The following ATL1 variants were observed in gnomAD, a reference collection of about 807,000 sequenced individuals.
The protein encoded by ATL1 is atlastin-1.
In ATL1, 31 loss-of-function variants were observed where a neutral mutation model predicts 75.5. The observed-to-expected ratio is 0.41, with a 90% CI of 0.31 to 0.55. The LOEUF is 0.55. ATL1 is among the 20% of genes least tolerant of loss of function. The probability of loss-of-function intolerance (pLI) is 0.27; values close to 1 mark genes in which losing one functional copy is unlikely to be tolerated. For synonymous variants in ATL1, 226 were observed against 233.3 expected (o/e 0.97, Z 0.28); for missense variants, 405 against 662.6 (o/e 0.61, Z 4.27).
chr14:50,620,620 A>G lies in ATL1; in HGVS notation c.884A>G (p.Lys295Arg), dbSNP rs771780629. Residue 295 changes from lysine to arginine, a missense_variant, in exon 9 of 14, where the codon AAA becomes AGA. Lys to Arg is a conservative substitution (Grantham distance 26, BLOSUM62 2). Transcript: ENST00000358385. ...GTAGAAATAGATGATGAATTCATCAAAAACTTGAAAATACTGATTCCTTGG... is the reference window on the plus strand; with the variant it reads ...GTAGAAATAGATGATGAATTCATCAGAAACTTGAAAATACTGATTCCTTGG... ...KLKEIDDEFI[K>R]NLKILIPWLL... The G allele has an allele frequency of 9.3e-6, 15 of 1,613,294 alleles. No homozygotes were observed. Among genetic ancestry groups the G allele is most frequent in the Non-Finnish European group, 1.2e-5 (14 of 1,179,486 alleles).
At chr14:50,557,007 A>C (rs2038773009), upstream of ATL1, among the ~76,000 whole-genome samples, 1 of 152,172 alleles carries the variant, frequency 6.6e-6, no homozygotes, top group Non-Finnish European at 1.5e-5. Flanking sequence ...TAGGGTGTAT[A>C]TCTAGGAGTG....
At position 50,632,546 on chromosome 14, in the gene ATL1, C is replaced by A. The variant is rs1165578956; in HGVS notation, c.*207C>A. 2.3e-6 allele frequency: 1 copy of A among 437,262 alleles called. No homozygotes were observed. The highest frequency in any genetic ancestry group is 4.2e-6 in the Non-Finnish European group (1 of 235,506). 27.1% of individuals were successfully genotyped at this position (437,262 alleles called of 1,614,324 possible). A position where few individuals can be genotyped will look rare whatever the true frequency, so the allele number is the denominator to read the frequency against. ...GGTTATACTATTTTGTTAACATGTA[C>A]AATTTCCTGATTTTTCTTCAAAAAT... On this transcript the variant is annotated 3_prime_UTR_variant, in exon 14 of 14. Transcript: ENST00000358385.
At chr14:50,629,926 G>GAGT (rs3080581) in intron 12 of ATL1, 69 bp from the exon 13 acceptor site, 1 of 1,213,466 alleles carries the variant, frequency 8.2e-7, no homozygotes, top group African/African-American at 1.6e-5. Context: ...AAGCAAAGTT[G>GAGT]ATTATAATGC....
intron 8 of ATL1, among the ~76,000 whole-genome samples, chr14:50,618,976 C>T (rs975129138): frequency 3.3e-5 from 5 of 151,730 alleles, no homozygotes; most frequent in Non-Finnish European, 5.9e-5. Flanking sequence ...CTGCAACCTC[C>T]GCTTCCTAGG....
chr14:50,549,652 A>C (rs2038677118), intron 1 of ATL1, among the ~76,000 whole-genome samples: 1 of 152,192 alleles, frequency 6.6e-6, no homozygotes, highest in South Asian at 2.1e-4. Flanking sequence ...AAGAATATAT[A>C]ATGATCAGAG....
chr14:50,579,412 G>GT (rs1250952544), intron 1 of ATL1, among the ~76,000 whole-genome samples: 3 of 152,158 alleles, frequency 2.0e-5, no homozygotes, highest in Admixed American at 2.0e-4. Flanking sequence ...GTCTGTTAGT[G>GT]TAAGTCCCCC....
chr14:50,621,762 G>T, intron 9 of ATL1, 81 bp from the exon 10 acceptor site: 1 of 864,864 alleles, frequency 1.2e-6, no homozygotes, highest in South Asian at 1.5e-5. Context: ...GAAATGTCAA[G>T]AACTTAGAAT....
chr14:50,554,775 T>C (rs562323266), intron 1 of ATL1, among the ~76,000 whole-genome samples: 6 of 152,242 alleles, frequency 3.9e-5, no homozygotes, highest in African/African-American at 1.4e-4. Context: ...CCCAGAAGTG[T>C]CCTGTATAAG....
intron 1 of ATL1, among the ~76,000 whole-genome samples, chr14:50,567,337 T>C (rs925105900): frequency 6.6e-6 from 1 of 152,232 alleles, no homozygotes; most frequent in African/African-American, 2.4e-5. Context: ...GTTGTAAGTA[T>C]ACACCACATT....
intron 1 of ATL1, among the ~76,000 whole-genome samples, chr14:50,569,713 A>G (rs929773882): frequency 2.0e-5 from 3 of 152,148 alleles, no homozygotes; most frequent in Non-Finnish European, 4.4e-5. Context: ...GATTACCATT[A>G]GCATTTCTTG....
intron 1 of ATL1, among the ~76,000 whole-genome samples, chr14:50,573,445 G>T (rs1339656118): frequency 6.6e-6 from 1 of 152,138 alleles, no homozygotes; most frequent in Non-Finnish European, 1.5e-5. Context: ...ATTTTTGATT[G>T]ATTTAAATAG....
intron 1 of ATL1, among the ~76,000 whole-genome samples, chr14:50,538,098 G>A (rs1437156564): frequency 6.6e-6 from 1 of 152,162 alleles, no homozygotes; most frequent in Non-Finnish European, 1.5e-5. Flanking sequence ...AGAGGGACCT[G>A]GTGGGAGGTA....
At chr14:50,549,159 G>A (rs2038671084) in intron 1 of ATL1, among the ~76,000 whole-genome samples, 1 of 152,156 alleles carries the variant, frequency 6.6e-6, no homozygotes, top group Admixed American at 6.5e-5. Flanking sequence ...GCCAACCATT[G>A]TATATAAGGG....
At chr14:50,596,022 G>A (rs549172162) in intron 6 of ATL1, among the ~76,000 whole-genome samples, 4 of 152,130 alleles carry the variant, frequency 2.6e-5, no homozygotes, top group African/African-American at 9.6e-5. Flanking sequence ...ATAAGAATGT[G>A]TTCATTTGAA....
At chr14:50,628,007 CAA>C (rs2039537884) in intron 11 of ATL1, 22 bp from the exon 12 acceptor site, 2 of 1,613,588 alleles carry the variant, frequency 1.2e-6, no homozygotes, top group Admixed American at 3.3e-5. Flanking sequence ...ATTGCATAAA[CAA>C]ATACTTCTCT....
At chr14:50,616,375 C>T (rs1487540055) in intron 8 of ATL1, among the ~76,000 whole-genome samples, 1 of 152,150 alleles carries the variant, frequency 6.6e-6, no homozygotes, top group East Asian at 1.9e-4. Flanking sequence ...TAGCTCACTG[C>T]AGCCTTGAAC....
chr14:50,590,170 A>AT (rs2039142355), intron 2 of ATL1, among the ~76,000 whole-genome samples: 1 of 152,078 alleles, frequency 6.6e-6, no homozygotes, highest in African/African-American at 2.4e-5. Flanking sequence ...CTTCAATCAT[A>AT]TTTTTGACCT....
At chr14:50,547,023 C>T (rs190882592) in intron 1 of ATL1, among the ~76,000 whole-genome samples, 1 of 151,936 alleles carries the variant, frequency 6.6e-6, no homozygotes, top group Admixed American at 6.6e-5. Context: ...GTGTTTCTCA[C>T]TCATAAGTGG....
intron 8 of ATL1, among the ~76,000 whole-genome samples, chr14:50,617,192 GATA>G (rs2140229398): frequency 6.6e-6 from 1 of 152,156 alleles, no homozygotes; most frequent in South Asian, 2.1e-4. Flanking sequence ...ATTAAAAACT[GATA>G]ATAATATGAT....
Sources: gnomAD v4.1 joint callset for allele counts (sites outside exome capture counted in the v4.1 genomes callset) on GRCh38, gnomAD v4.1.1 for gene constraint, MANE v1.5 for transcripts, NCBI Gene and HGNC (gene_info 2026-07-23, HGNC 2026-07-21) for gene names.